Variants in SHISAL1 observed in about 807,000 individuals in gnomAD.
The protein encoded by SHISAL1 is shisa like 1.
Under a neutral mutation model 22.6 loss-of-function variants are expected in SHISAL1, and 9 were observed. The observed-to-expected ratio is 0.40, with a 90% CI of 0.24 to 0.70. The LOEUF is 0.70. Ranked by LOEUF, SHISAL1 falls within the 30% of genes least tolerant of loss-of-function variation. The probability of loss-of-function intolerance (pLI) is 0.39; values close to 1 mark genes in which losing one functional copy is unlikely to be tolerated. For missense variants in SHISAL1, 246 were observed against 270.6 expected, an observed-to-expected ratio of 0.91 and a Z score of 0.64; for synonymous variants, 119 against 115.4, an observed-to-expected ratio of 1.03 and a Z score of -0.20.
upstream of SHISAL1, among the ~76,000 whole-genome samples, chr22:44,315,825 C>A (rs1402913518): frequency 6.6e-6 from 1 of 152,126 alleles, no homozygotes; most frequent in Non-Finnish European, 1.5e-5. Context: ...CCTGCCTGAG[C>A]CACTGCTGGG....
At chr22:44,288,146 C>T (rs1177255299) in intron 3 of SHISAL1, among the ~76,000 whole-genome samples, 1 of 152,218 alleles carries the variant, frequency 6.6e-6, no homozygotes, top group Non-Finnish European at 1.5e-5. Context: ...CGGGAGGAAA[C>T]AGCTTTTTCA....
chr22:44,261,077 T>TTATATCTATATATATATATA (rs2055119640), intron 4 of SHISAL1, among the ~76,000 whole-genome samples: 1 of 108,746 alleles, frequency 9.2e-6, no homozygotes, highest in African/African-American at 3.6e-5. Context: ...CTTCATTACT[T>TTATATCTATATATATATATA]TATATATATA....
At chr22:44,327,450 G>A in the SHISAL1 span, among the ~76,000 whole-genome samples, 2 of 152,206 alleles carry the variant, frequency 1.3e-5, no homozygotes, top group African/African-American at 4.8e-5. Context: ...AGGAAAAGGA[G>A]GAAGGGGCTC....
At chr22:44,324,630 T>C in the SHISAL1 span, among the ~76,000 whole-genome samples, 10 of 152,338 alleles carry the variant, frequency 6.6e-5, no homozygotes, top group African/African-American at 2.4e-4. Flanking sequence ...GTAAGGAAAC[T>C]GAGGCTCCAG....
intron 4 of SHISAL1, among the ~76,000 whole-genome samples, chr22:44,272,790 G>A (rs1156688254): frequency 1.3e-5 from 2 of 152,196 alleles, no homozygotes; most frequent in African/African-American, 2.4e-5. Context: ...GGGTGTCCCT[G>A]GAAACACTAG....
intron 3 of SHISAL1, among the ~76,000 whole-genome samples, chr22:44,287,922 G>A (rs747119313): frequency 2.6e-5 from 4 of 152,290 alleles, no homozygotes; most frequent in Middle Eastern, 3.4e-3. Flanking sequence ...CAGCAGCCAC[G>A]GGGGCTGAGG....
the SHISAL1 span, among the ~76,000 whole-genome samples, chr22:44,319,805 T>G: frequency 6.6e-6 from 1 of 152,156 alleles, no homozygotes; most frequent in East Asian, 1.9e-4. Context: ...AAAGATTAAA[T>G]GTAGGAGTTG....
intron 4 of SHISAL1, among the ~76,000 whole-genome samples, chr22:44,271,904 G>C (rs1185470573): frequency 6.6e-6 from 1 of 152,230 alleles, no homozygotes; most frequent in African/African-American, 2.4e-5. Context: ...CGAGCCCCCA[G>C]ATTCGCCTGG....
At chr22:44,286,677 T>G (rs1414330779) in intron 3 of SHISAL1, among the ~76,000 whole-genome samples, 1 of 152,014 alleles carries the variant, frequency 6.6e-6, no homozygotes, top group Non-Finnish European at 1.5e-5. Context: ...GCCCTGAGTT[T>G]CCCTCAAACC....
chr22:44,286,173 G>T (rs778018230), intron 3 of SHISAL1, among the ~76,000 whole-genome samples: 1 of 152,102 alleles, frequency 6.6e-6, no homozygotes, highest in Non-Finnish European at 1.5e-5. Context: ...CCTGGCACCC[G>T]GGATGCTCTC....
At chr22:44,258,124 G>A (rs1418844430) in intron 4 of SHISAL1, among the ~76,000 whole-genome samples, 1 of 152,068 alleles carries the variant, frequency 6.6e-6, no homozygotes, top group Non-Finnish European at 1.5e-5. Flanking sequence ...TGGGCAACAA[G>A]AATGAAACTC....
rs1181523320 is a variant in SHISAL1 at position 44,310,659 on chromosome 22, G to A, written c.-33+2092C>T. On this transcript the variant is annotated intron_variant, in intron 1 of 4. Transcript: ENST00000381176. The surrounding 1 kb of genome is among the most constrained non-coding windows in gnomAD (Gnocchi z 4.0). Reference sequence around the variant, plus strand: ...CTTATCCGATGTTGCCTACTCTACTGTTCCCAAAGCTGATGGTTTAGGTAC... The same window carrying A: ...CTTATCCGATGTTGCCTACTCTACTATTCCCAAAGCTGATGGTTTAGGTAC... 6.6e-6 allele frequency among the ~76,000 whole-genome samples: 1 copy of A among 152,162 alleles called. No homozygotes were observed. Among genetic ancestry groups the A allele is most frequent in the Non-Finnish European group, 1.5e-5 (1 of 68,038 alleles).
chr22:44,290,677 T>A (rs2147294731), intron 3 of SHISAL1, among the ~76,000 whole-genome samples: 1 of 152,078 alleles, frequency 6.6e-6, no homozygotes, highest in East Asian at 1.9e-4. Flanking sequence ...CTTGGCAAAA[T>A]TCTCTCTGTG....
intron 3 of SHISAL1, among the ~76,000 whole-genome samples, chr22:44,289,499 C>A (rs1485760678): frequency 1.8e-5 from 2 of 109,074 alleles, no homozygotes; most frequent in Non-Finnish European, 3.8e-5. Flanking sequence ...TGTGTGTTTA[C>A]TGCCGGGCTC....
the SHISAL1 span, among the ~76,000 whole-genome samples, chr22:44,327,240 GCACACACACACA>G: frequency 9.4e-3 from 1,356 of 144,998 alleles, 25 homozygotes; most frequent in African/African-American, 0.029. Flanking sequence ...TGGGGGGCGC[GCACACACACACA>G]CACACACACA....
At chr22:44,279,457 C>T (rs2055261834) in intron 4 of SHISAL1, among the ~76,000 whole-genome samples, 2 of 152,224 alleles carry the variant, frequency 1.3e-5, no homozygotes, top group South Asian at 4.1e-4. Flanking sequence ...CTGGCACCCT[C>T]CCTGCAGAAA....
chr22:44,330,235 G>T, the SHISAL1 span, among the ~76,000 whole-genome samples: 1 of 152,210 alleles, frequency 6.6e-6, no homozygotes, highest in Non-Finnish European at 1.5e-5. Flanking sequence ...CTTTGGTGGT[G>T]GGCATGGCTG....
chr22:44,272,725 C>T (rs576811938), intron 4 of SHISAL1, among the ~76,000 whole-genome samples: 12 of 152,190 alleles, frequency 7.9e-5, no homozygotes, highest in Non-Finnish European at 1.8e-4. Context: ...GAATTGGCCT[C>T]CCAGGACCAC....
At chr22:44,264,451 G>A (rs1219068592) in intron 4 of SHISAL1, among the ~76,000 whole-genome samples, 1 of 152,152 alleles carries the variant, frequency 6.6e-6, no homozygotes, top group Non-Finnish European at 1.5e-5. Context: ...GAGCAGGTGT[G>A]GTGTGAGCTC....
Sources: allele counts gnomAD v4.1 joint callset (sites outside exome capture counted in the v4.1 genomes callset), GRCh38; gene constraint gnomAD v4.1.1; non-coding constraint Gnocchi (gnomAD v3.1); transcripts MANE v1.5; gene names NCBI Gene and HGNC (gene_info 2026-07-23, HGNC 2026-07-21).